The following NAV2 variants were observed in gnomAD, a reference collection of about 807,000 sequenced individuals.
NAV2 encodes the protein helicase, APC down-regulated 1.
NAV2 carries 54 observed loss-of-function variants against 223.2 expected under a neutral mutation model. The ratio of observed to expected loss-of-function variants is 0.24; its 90% CI spans 0.19 to 0.30. NAV2 has a LOEUF of 0.30. Ranked by LOEUF, NAV2 falls within the 10% of genes least tolerant of loss-of-function variation. The probability of loss-of-function intolerance (pLI) is 1.00; values close to 1 mark genes in which losing one functional copy is unlikely to be tolerated. For synonymous variants in NAV2, 1,279 were observed against 1,239.3 expected (o/e 1.03, Z -0.67); for missense variants, 2,806 against 3,147.5 (o/e 0.89, Z 2.60).
At chr11:19,384,553 A>AT (rs1034916635) in intron 1 of NAV2, 10 of 152,144 alleles carry the variant, frequency 6.6e-5, no homozygotes, top group Admixed American at 2.0e-4. Flanking sequence ...TTTTAGTATT[A>AT]TGGGTGTTAT....
At chr11:19,900,054 T>C (rs1271977933) in intron 6 of NAV2, among the ~76,000 whole-genome samples, 1 of 152,114 alleles carries the variant, frequency 6.6e-6, no homozygotes, top group Non-Finnish European at 1.5e-5. Flanking sequence ...GAATCAGCTG[T>C]GATGTTATTA....
chr11:19,788,306 G>A (rs1460246947), intron 1 of NAV2, among the ~76,000 whole-genome samples: 2 of 152,180 alleles, frequency 1.3e-5, no homozygotes, highest in East Asian at 3.9e-4. Flanking sequence ...CCCCGAGGGG[G>A]GAAAATTGCC....
chr11:19,621,395 T>G (rs539597764), intron 1 of NAV2, among the ~76,000 whole-genome samples: 7 of 152,314 alleles, frequency 4.6e-5, no homozygotes, highest in Non-Finnish European at 1.0e-4. Flanking sequence ...TGGACTTTTT[T>G]TGGTTGGCAA....
intron 24 of NAV2, 32 bp downstream of exon 24, chr11:20,078,136 G>A (rs759505869): frequency 6.6e-7 from 1 of 1,524,330 alleles, no homozygotes; most frequent in Non-Finnish European, 9.1e-7. Flanking sequence ...TTAGCCAGAA[G>A]ACCTGCCTGC....
intron 1 of NAV2, among the ~76,000 whole-genome samples, chr11:19,416,970 T>C (rs1397078919): frequency 6.6e-6 from 1 of 152,192 alleles, no homozygotes; most frequent in Non-Finnish European, 1.5e-5. Context: ...GACTTAAACG[T>C]AAGATCTAAA....
chr11:19,559,750 G>A (rs915484347), intron 1 of NAV2, among the ~76,000 whole-genome samples: 3 of 152,272 alleles, frequency 2.0e-5, no homozygotes, highest in South Asian at 2.1e-4. Context: ...CAGGAACCTT[G>A]TTACAGGAAA....
At chr11:19,897,227 C>T (rs2042061293) in intron 6 of NAV2, among the ~76,000 whole-genome samples, 1 of 151,912 alleles carries the variant, frequency 6.6e-6, no homozygotes, top group South Asian at 2.1e-4. Context: ...ACACCGGGGC[C>T]TGTTGTGGGG....
chr11:19,399,540 C>A (rs562115911), intron 1 of NAV2, among the ~76,000 whole-genome samples: 1 of 152,208 alleles, frequency 6.6e-6, no homozygotes, highest in Non-Finnish European at 1.5e-5. Context: ...GCCCTCAGAG[C>A]CCACAAGCCT....
At chr11:19,785,622 A>C (rs1348935184) in intron 1 of NAV2, among the ~76,000 whole-genome samples, 1 of 151,452 alleles carries the variant, frequency 6.6e-6, no homozygotes, top group East Asian at 1.9e-4. Flanking sequence ...GAAATTAAAT[A>C]AGATGAGTTT....
At chr11:19,791,283 C>T (rs1406889385) in intron 1 of NAV2, among the ~76,000 whole-genome samples, 1 of 152,152 alleles carries the variant, frequency 6.6e-6, no homozygotes, top group Non-Finnish European at 1.5e-5. Context: ...CACCAGCTGC[C>T]AAATGGCAAG....
upstream of NAV2, among the ~76,000 whole-genome samples, chr11:19,347,428 C>A (rs1202873796): frequency 6.6e-6 from 1 of 152,196 alleles, no homozygotes. Context: ...CAACCTCCCA[C>A]CCCCGGGGTG....
intron 3 of NAV2, among the ~76,000 whole-genome samples, chr11:19,848,783 AC>A (rs893306606): frequency 6.6e-6 from 1 of 152,052 alleles, no homozygotes; most frequent in African/African-American, 2.4e-5. Flanking sequence ...GGAACAGCCA[AC>A]TCTGCTTTTG....
At chr11:19,849,275 T>C (rs1403173947) in intron 3 of NAV2, among the ~76,000 whole-genome samples, 1 of 152,198 alleles carries the variant, frequency 6.6e-6, no homozygotes, top group African/African-American at 2.4e-5. Flanking sequence ...AGGGGTATCA[T>C]AAAAATAGTC....
chr11:19,609,436 G>C (rs1265142136), intron 1 of NAV2, among the ~76,000 whole-genome samples: 1 of 152,162 alleles, frequency 6.6e-6, no homozygotes, highest in Non-Finnish European at 1.5e-5. Context: ...GCAGAGGGGA[G>C]AGAGAGAGGT....
intron 1 of NAV2, among the ~76,000 whole-genome samples, chr11:19,621,105 A>G (rs984035683): frequency 2.6e-5 from 4 of 152,194 alleles, no homozygotes; most frequent in African/African-American, 9.6e-5. Flanking sequence ...ATCCCAGGAA[A>G]GAAGCCCACT....
intron 10 of NAV2, among the ~76,000 whole-genome samples, chr11:19,971,883 A>G (rs1227971963): frequency 6.6e-6 from 1 of 152,058 alleles, no homozygotes; most frequent in Non-Finnish European, 1.5e-5. Context: ...TTGTATTTTT[A>G]GTAGAGACGG....
Position 20,049,262 on chromosome 11 carries a change from A to T in NAV2, c.4370+67A>T, listed in dbSNP as rs1444732325. On this transcript the variant is annotated intron_variant, in intron 15 of 37. Transcript: ENST00000349880. Reference sequence around the variant, plus strand: ...CTTCCAAAAATAAAAAGATTAGCTTAGGAATCCCAAATGTCGAATAGCCTT... The same window carrying T: ...CTTCCAAAAATAAAAAGATTAGCTTTGGAATCCCAAATGTCGAATAGCCTT... 5.0e-6 allele frequency: 6 copies of T among 1,197,562 alleles called. No homozygotes were observed. The Admixed American group carries it at 1.1e-4, about 23-fold the overall frequency. 74.2% of individuals were successfully genotyped at this position (1,197,562 alleles called of 1,614,324 possible). A position where few individuals can be genotyped will look rare whatever the true frequency, so the allele number is the denominator to read the frequency against.
intron 1 of NAV2, among the ~76,000 whole-genome samples, chr11:19,599,589 C>T (rs1287874228): frequency 2.0e-5 from 3 of 152,180 alleles, no homozygotes; most frequent in East Asian, 3.9e-4. Flanking sequence ...CGAAAACTGC[C>T]TCATCAAACT....
intron 1 of NAV2, among the ~76,000 whole-genome samples, chr11:19,753,908 AG>A (rs1264539314): frequency 2.0e-5 from 3 of 152,186 alleles, no homozygotes; most frequent in African/African-American, 7.2e-5. Context: ...ATTTGCTCAG[AG>A]GGAGGGTGGG....
Sources: allele counts gnomAD v4.1 joint callset (sites outside exome capture counted in the v4.1 genomes callset), GRCh38; gene constraint gnomAD v4.1.1; transcripts MANE v1.5; gene names NCBI Gene and HGNC (gene_info 2026-07-23, HGNC 2026-07-21).